The following SGSM2 variants were observed in gnomAD, a reference collection of about 807,000 sequenced individuals.
SGSM2 encodes RUN and TBC1 domain containing 1.
SGSM2 carries 89 observed loss-of-function variants against 126.6 expected under a neutral mutation model. That is an observed-to-expected ratio of 0.70 (90% confidence interval 0.59 to 0.84). The LOEUF is 0.84. Among genes scored for constraint, SGSM2 ranks in the 40% least tolerant of loss-of-function variants. SGSM2 has a pLI of 0.00. For synonymous variants in SGSM2, 614 were observed against 574.3 expected, an observed-to-expected ratio of 1.07 and a Z score of -0.99; for missense variants, 1,404 against 1,416.6, an observed-to-expected ratio of 0.99 and a Z score of 0.14.
chr17:2,367,537 TC>T lies in SGSM2; in HGVS notation c.1423+133del, dbSNP rs2065653319. On this transcript the variant is annotated intron_variant, in intron 12 of 23. Coordinates refer to ENST00000268989, the MANE Select transcript of SGSM2 (RefSeq NM_014853.3). This position sits in a 1 kb window ranked among gnomAD's most constrained non-coding sequence, Gnocchi z 4.0. ...TTGCACCCAGGGCAGTTCCCTTCCA[TC>T]GGGGGCAGATCAGGGAGGGCAGAAG... The T allele has an allele frequency of 3.9e-6, 4 of 1,025,586 alleles. No homozygotes were observed. The highest frequency in any genetic ancestry group is 6.4e-4 in the Middle Eastern group (2 of 3,138). 63.5% of individuals were successfully genotyped at this position (1,025,586 alleles called of 1,614,324 possible).
At chr17:2,338,789 A>ATATATATATATATATATATAT (rs1483751869) in intron 1 of SGSM2, among the ~76,000 whole-genome samples, 15 of 148,194 alleles carry the variant, frequency 1.0e-4, no homozygotes, top group East Asian at 6.8e-4. Context: ...ATATATATAT[A>ATATATATATATATATATATAT]ACCTCACGCC....
In SGSM2 at chr17:2,376,755, G is replaced by C. The variant is rs746902247; in HGVS notation, c.2632G>C (p.Val878Leu). 2 of 1,614,048 alleles carry C rather than the reference G, an allele frequency of 1.2e-6. No homozygotes were observed. Among genetic ancestry groups the C allele is most frequent in the East Asian group, 2.2e-5 (1 of 44,886 alleles). ...CAGCTACGTGTGGGAGCACCTGGACGTGGGCTATGTGCAGGGCATGTGCGA... is the reference window on the plus strand; with the variant it reads ...CAGCTACGTGTGGGAGCACCTGGACCTGGGCTATGTGCAGGGCATGTGCGA... ...MCSYVWEHLD[V>L]GYVQGMCDLL... Residue 878 changes from valine to leucine, a missense_variant, in exon 20 of 24, where the codon GTG becomes CTG. Transcript: ENST00000268989.
chr17:2,365,681 A>G (rs994095991), intron 11 of SGSM2, among the ~76,000 whole-genome samples: 4 of 149,630 alleles, frequency 2.7e-5, no homozygotes, highest in Non-Finnish European at 4.4e-5. Context: ...GGAACCCTCC[A>G]TTGCTCTTCA....
chr17:2,354,016 T>C (rs1186202216), intron 2 of SGSM2, among the ~76,000 whole-genome samples: 1 of 152,090 alleles, frequency 6.6e-6, no homozygotes, highest in East Asian at 1.9e-4. Context: ...CAAGCAATCC[T>C]CCCACCTCCA....
intron 1 of SGSM2, among the ~76,000 whole-genome samples, chr17:2,339,015 T>C (rs547428046): frequency 1.3e-5 from 2 of 150,156 alleles, no homozygotes; most frequent in South Asian, 4.2e-4. Flanking sequence ...GCCGATATTG[T>C]GCCACTGCAC....
chr17:2,375,410 A>AG, intron 17 of SGSM2, 82 bp from the exon 18 acceptor site: 1 of 1,503,230 alleles, frequency 6.7e-7, no homozygotes, highest in Non-Finnish European at 8.9e-7. Flanking sequence ...TTTGCATTCC[A>AG]GCTCCCTTCT....
chr17:2,344,559 C>T (rs9907744), intron 2 of SGSM2, among the ~76,000 whole-genome samples: 3,002 of 152,292 alleles, frequency 0.02, 97 homozygotes, highest in African/African-American at 0.067. Context: ...AGGTGCCAGA[C>T]ACCGTTCACC....
intron 1 of SGSM2, among the ~76,000 whole-genome samples, chr17:2,339,676 C>T (rs189276881): frequency 2.8e-4 from 42 of 150,420 alleles, no homozygotes; most frequent in Non-Finnish European, 5.2e-4. Context: ...CCACTGCACT[C>T]CAGCCTGGGC....
intron 2 of SGSM2, among the ~76,000 whole-genome samples, chr17:2,345,350 A>G (rs1567801346): frequency 6.7e-6 from 1 of 149,550 alleles, no homozygotes; most frequent in Non-Finnish European, 1.5e-5. Context: ...TAATCCCAGC[A>G]CTTTGGGAGG....
intron 2 of SGSM2, among the ~76,000 whole-genome samples, chr17:2,359,157 G>A (rs1010974810): frequency 1.3e-5 from 2 of 152,156 alleles, no homozygotes; most frequent in African/African-American, 2.4e-5. Flanking sequence ...GATTACAGGC[G>A]TGAGCCACGG....
chr17:2,352,309 T>C (rs2064889144), intron 2 of SGSM2, among the ~76,000 whole-genome samples: 1 of 152,124 alleles, frequency 6.6e-6, no homozygotes, highest in Non-Finnish European at 1.5e-5. Flanking sequence ...AATTAGCGTC[T>C]CCCAAAGCCC....
rs757672382 is a variant in SGSM2 at position 2,375,757 on chromosome 17, G to A, written c.2366G>A (p.Gly789Glu). The change falls in exon 18 of 24, where the codon GGG (glycine) becomes GAG (glutamate). Residue 789 changes from glycine to glutamate, a missense_variant. Coordinates refer to ENST00000268989, the MANE Select transcript of SGSM2 (RefSeq NM_014853.3). ...GGCGGTGGGGAGGAAGGCTCCAGTG[G>A]GCCCGGCCCTGCAGCTCACACTTTG... ...EDGGGEEGSSGPGPAAHTLRE... is the reference protein window; with the variant it reads ...EDGGGEEGSSEPGPAAHTLRE... The A allele has an allele frequency of 1.2e-6, 2 of 1,603,094 alleles. No homozygotes were observed. Among genetic ancestry groups the A allele is most frequent in the Admixed American group, 3.4e-5 (2 of 59,504 alleles).
rs546618288 is a variant in SGSM2, at chr17:2,370,243, C to G, written c.1424-1019C>G. The stretch of plus-strand genomic sequence containing the variant: ...TCTCCACTCTCTCCCTCCCTCCCGG[C>G]ATCACCCCCCAGTGCTTCCACTTCC... On this transcript the variant is annotated intron_variant, in intron 12 of 23. Coordinates refer to ENST00000268989, the MANE Select transcript of SGSM2 (RefSeq NM_014853.3). Among the ~76,000 whole-genome samples, 21 of 152,384 alleles carry G rather than the reference C, an allele frequency of 1.4e-4. No homozygotes were observed. In the South Asian group the frequency reaches 4.1e-3, roughly 30 times the overall value.
chr17:2,363,974 T>G lies in SGSM2; in HGVS notation c.808-85T>G. ...ACTAGCCTAGCTTGGCCTCCCCTCC[T>G]CCCAGCGGGAGCTCATTTCTCATAG... On this transcript the variant is annotated intron_variant, in intron 7 of 23. Transcript: ENST00000268989. The surrounding 1 kb of genome is among the most constrained non-coding windows in gnomAD (Gnocchi z 4.2). 6.4e-7 allele frequency: 1 copy of G among 1,571,196 alleles called. No individual in the cohort carries two copies. Among genetic ancestry groups the G allele is most frequent in the Non-Finnish European group, 8.7e-7 (1 of 1,144,882 alleles).
Position 2,361,545 on chromosome 17 carries a change from C to T in SGSM2, c.134-92C>T, listed in dbSNP as rs551280266. On this transcript the variant is annotated intron_variant, in intron 2 of 23. Transcript: ENST00000268989. ...GGCCTGCCCTTGGCTTGCCCTTACC[C>T]CTTGCCTCACCACAGGTATGGGGAA... is the stretch of plus-strand genomic sequence containing the variant. The T allele has an allele frequency of 6.4e-5, 96 of 1,501,774 alleles. 1 individual carries two copies. In the Middle Eastern group the frequency reaches 1.2e-3, roughly 18 times the overall value. 93.0% of individuals were successfully genotyped at this position (1,501,774 alleles called of 1,614,324 possible).
chr17:2,359,280 G>A (rs1224325154), intron 2 of SGSM2, among the ~76,000 whole-genome samples: 1 of 151,974 alleles, frequency 6.6e-6, no homozygotes, highest in Non-Finnish European at 1.5e-5. Context: ...TCTGCACACT[G>A]CACGCGATAA....
intron 2 of SGSM2, among the ~76,000 whole-genome samples, chr17:2,350,416 C>A (rs190718371): frequency 1.5e-3 from 226 of 151,634 alleles, no homozygotes; most frequent in East Asian, 2.4e-3. Context: ...TCTAGACCAG[C>A]CTGGCCAATA....
chr17:2,367,061 G>C lies in SGSM2; in HGVS notation c.1289-210G>C. The C allele has an allele frequency of 1.8e-6, 1 of 555,834 alleles. No individual in the cohort carries two copies. Among genetic ancestry groups the C allele is most frequent in the Non-Finnish European group, 3.2e-6 (1 of 314,030 alleles). The allele number at this position is 555,834 out of a possible 1,614,324, so 34.4% of individuals were successfully genotyped here. On this transcript the variant is annotated intron_variant, in intron 11 of 23. Transcript: ENST00000268989. The surrounding 1 kb of genome is among the most constrained non-coding windows in gnomAD (Gnocchi z 4.0). ...TAGAGAGGCTGCCTCCGAAGAGTGAGGTTCTGCAGCTGCCCCAGCCCCTCG... is the reference window on the plus strand; with the variant it reads ...TAGAGAGGCTGCCTCCGAAGAGTGACGTTCTGCAGCTGCCCCAGCCCCTCG...
In SGSM2 at chr17:2,372,313, C is replaced by A. The variant is rs1340267332; in HGVS notation, c.1643-30C>A. The A allele has an allele frequency of 2.5e-6, 4 of 1,608,844 alleles. No individual in the cohort carries two copies. Among genetic ancestry groups the A allele is most frequent in the Non-Finnish European group, 3.4e-6 (4 of 1,177,870 alleles). On this transcript the variant is annotated intron_variant, in intron 14 of 23. Transcript: ENST00000268989. The surrounding 1 kb of genome is among the most constrained non-coding windows in gnomAD (Gnocchi z 6.0). ...GGGGGCGGGCGGCCCTGGGTCCCAG[C>A]CTCCTGCTGCCCACCGCTGCCCACC...
Sources: allele counts gnomAD v4.1 joint callset (sites outside exome capture counted in the v4.1 genomes callset), GRCh38; gene constraint gnomAD v4.1.1; non-coding constraint Gnocchi (gnomAD v3.1); transcripts MANE v1.5; gene names NCBI Gene and HGNC (gene_info 2026-07-23, HGNC 2026-07-21).